Variants in AGO2 observed in about 807,000 individuals in gnomAD.
AGO2 encodes argonaute RISC catalytic component 2.
AGO2 carries 5 observed loss-of-function variants against 102.3 expected under a neutral mutation model. That is an observed-to-expected ratio of 0.05 (90% confidence interval 0.03 to 0.10). The LOEUF is 0.10. Among genes scored for constraint, AGO2 ranks in the 10% least tolerant of loss-of-function variants. The probability of loss-of-function intolerance (pLI) is 1.00; values close to 1 mark genes in which losing one functional copy is unlikely to be tolerated. For synonymous variants in AGO2, 449 were observed against 473.1 expected (o/e 0.95, Z 0.66); for missense variants, 541 against 1,183.7 (o/e 0.46, Z 7.97).
intron 17 of AGO2, among the ~76,000 whole-genome samples, chr8:140,535,186 C>A (rs2072674666): frequency 6.6e-6 from 1 of 152,226 alleles, no homozygotes. Context: ...CAAGCTCCAG[C>A]CACACCACAC....
At chr8:140,599,101 T>C (rs999034618) in intron 1 of AGO2, among the ~76,000 whole-genome samples, 2 of 152,114 alleles carry the variant, frequency 1.3e-5, no homozygotes, top group Non-Finnish European at 2.9e-5. Context: ...TTGCCACCAC[T>C]CACAATGCCC....
At chr8:140,615,128 G>A (rs1356535769) in intron 1 of AGO2, among the ~76,000 whole-genome samples, 1 of 152,192 alleles carries the variant, frequency 6.6e-6, no homozygotes, top group Non-Finnish European at 1.5e-5. Flanking sequence ...ACTCATGTCT[G>A]TAATCCCGGC....
Position 140,572,927 on chromosome 8 carries a change from A to G in AGO2, c.221T>C (p.Ile74Thr). 6.2e-7 allele frequency: 1 copy of G among 1,607,206 alleles called. No homozygotes were observed. The highest frequency in any genetic ancestry group is 1.1e-5 in the South Asian group (1 of 89,046). ...AAAGTGCTGGACCATGTGTTCCACG[A>G]TTTCCCTGAAACAAAGACAAAAGTC... ...EKCPRRVNRE[I>T]VEHMVQHFKT... The change falls in exon 3 of 19, where the codon ATC becomes ACC. Residue 74 changes from isoleucine (I) to threonine (T), a missense_variant. Physicochemically the swap from Ile to Thr is moderately conservative, Grantham distance 89. This residue lies in a region of AGO2 where 147 missense variants were observed against 204.1 expected (regional missense o/e 0.72). Transcript: ENST00000220592.
chr8:140,537,176 G>C (rs1223830735), intron 16 of AGO2, among the ~76,000 whole-genome samples: 1 of 152,100 alleles, frequency 6.6e-6, no homozygotes, highest in Non-Finnish European at 1.5e-5. Context: ...TGAGACTGAA[G>C]TTTGGAAAGC....
intron 1 of AGO2, among the ~76,000 whole-genome samples, chr8:140,615,176 A>C (rs2074125272): frequency 6.6e-6 from 1 of 152,200 alleles, no homozygotes; most frequent in African/African-American, 2.4e-5. Flanking sequence ...CCTTGTGCCC[A>C]GGAAGTCAAG....
At position 140,589,888 on chromosome 8, in the gene AGO2, G is replaced by A. The variant is rs935043897; in HGVS notation, c.23-4577C>T. 3.3e-5 allele frequency among the ~76,000 whole-genome samples: 5 copies of A among 152,122 alleles called. No individual in the cohort carries two copies. The highest frequency in any genetic ancestry group is 4.4e-5 in the Non-Finnish European group (3 of 68,028). On this transcript the variant is annotated intron_variant, in intron 1 of 18. Coordinates refer to ENST00000220592, the MANE Select transcript of AGO2 (RefSeq NM_012154.5). The surrounding 1 kb of genome is among the most constrained non-coding windows in gnomAD (Gnocchi z 4.2). The stretch of plus-strand genomic sequence containing the variant: ...AAGCTGTACTCTCCTGCTAAAATCA[G>A]GACACGAGGGTGACAACTCACCTGT...
In AGO2 at chr8:140,562,518, C is replaced by T; in HGVS notation, c.453G>A (p.Leu151=). The T allele has an allele frequency of 6.2e-7, 1 of 1,614,078 alleles. No homozygotes were observed. The highest frequency in any genetic ancestry group is 8.5e-7 in the Non-Finnish European group (1 of 1,180,036). ...QALHDALSGR[L]PSVPFETIQA... ...GGATCGTCTCAAAAGGGACGCTGGG[C>T]AGCCGCCCTGAAAGTGCATCGTGTA... Residue 151 remains leucine (L), a synonymous_variant, in exon 4 of 19, where the codon CTG becomes CTA. Coordinates refer to ENST00000220592, the MANE Select transcript of AGO2 (RefSeq NM_012154.5).
chr8:140,607,772 G>T (rs766422233), intron 1 of AGO2, among the ~76,000 whole-genome samples: 2 of 151,910 alleles, frequency 1.3e-5, no homozygotes, highest in Non-Finnish European at 2.9e-5. Flanking sequence ...GGCTGCCAGG[G>T]GGTGGGAGGG....
intron 1 of AGO2, among the ~76,000 whole-genome samples, chr8:140,600,859 G>C (rs1438071497): frequency 6.6e-6 from 1 of 151,006 alleles, no homozygotes; most frequent in Non-Finnish European, 1.5e-5. Context: ...GATTGACGGG[G>C]AGGTGGAGGT....
intron 1 of AGO2, among the ~76,000 whole-genome samples, chr8:140,614,758 A>G (rs977517593): frequency 1.3e-5 from 2 of 152,198 alleles, no homozygotes; most frequent in African/African-American, 2.4e-5. Context: ...CAGTCTCCTC[A>G]CTTCCAAAAC....
At chr8:140,604,783 C>T (rs62529980) in intron 1 of AGO2, among the ~76,000 whole-genome samples, 44,515 of 151,654 alleles carry the variant, frequency 0.29, 6,785 homozygotes, top group Admixed American at 0.38. Context: ...GCCGAGGTCG[C>T]GCCACTGCAC....
chr8:140,566,488 T>C lies in AGO2; in HGVS notation c.337-3854A>G, dbSNP rs577353234. ...TTTCTTTTTCATTAGTGCTACTTCATAATAAAATTCTAAATAAGTCACACA... is the reference window on the plus strand; with the variant it reads ...TTTCTTTTTCATTAGTGCTACTTCACAATAAAATTCTAAATAAGTCACACA... On this transcript the variant is annotated intron_variant, in intron 3 of 18. Coordinates refer to ENST00000220592, the MANE Select transcript of AGO2 (RefSeq NM_012154.5). Among the ~76,000 whole-genome samples the C allele has an allele frequency of 2.6e-5, 4 of 152,310 alleles. No individual in the cohort carries two copies. The South Asian group carries it at 8.3e-4, about 32-fold the overall frequency.
intron 3 of AGO2, chr8:140,572,418 T>G (rs1452985433): frequency 6.4e-6 from 1 of 156,890 alleles, no homozygotes; most frequent in African/African-American, 2.4e-5. Flanking sequence ...CGCACTGAGA[T>G]AGCTCACTTC....
intron 3 of AGO2, among the ~76,000 whole-genome samples, chr8:140,571,264 G>A (rs1707669792): frequency 6.6e-6 from 1 of 152,212 alleles, no homozygotes; most frequent in African/African-American, 2.4e-5. Context: ...TTCTCCCTTT[G>A]TCAGAGCGTG....
intron 1 of AGO2, among the ~76,000 whole-genome samples, chr8:140,612,592 C>G (rs61686667): frequency 0.095 from 14,485 of 152,034 alleles, 734 homozygotes; most frequent in Non-Finnish European, 0.11. Flanking sequence ...GAAACCCCAT[C>G]TCTGCTATAA....
At chr8:140,635,460 G>T (rs1028069311) in intron 1 of AGO2, 25 bp downstream of exon 1, 29 of 980,092 alleles carry the variant, frequency 3.0e-5, no homozygotes, top group South Asian at 9.1e-5. Flanking sequence ...ACGGCCGGGC[G>T]GGCGCCCCGA....
intron 3 of AGO2, among the ~76,000 whole-genome samples, chr8:140,566,149 CAT>C (rs1360451965): frequency 6.6e-6 from 1 of 152,278 alleles, no homozygotes; most frequent in East Asian, 1.9e-4. Context: ...AGAATTCCCA[CAT>C]GTTGTGGTAG....
intron 12 of AGO2, 56 bp from the exon 13 acceptor site, chr8:140,547,683 C>A: frequency 6.4e-7 from 1 of 1,561,280 alleles, no homozygotes; most frequent in Non-Finnish European, 8.7e-7. Flanking sequence ...TCAGCTGGCC[C>A]CGAGAGCAGC....
intron 3 of AGO2, among the ~76,000 whole-genome samples, chr8:140,570,714 C>T (rs1588467651): frequency 6.6e-6 from 1 of 152,106 alleles, no homozygotes; most frequent in Non-Finnish European, 1.5e-5. Context: ...GCCATCTCTC[C>T]GTTTTACAGG....
Sources: gnomAD v4.1 joint callset for allele counts (sites outside exome capture counted in the v4.1 genomes callset) on GRCh38, gnomAD v4.1.1 for gene constraint, gnomAD v4.1.1 regional missense constraint, Gnocchi (gnomAD v3.1) non-coding constraint, MANE v1.5 for transcripts, NCBI Gene and HGNC (gene_info 2026-07-23, HGNC 2026-07-21) for gene names.